ATXN1: variants seen among roughly 807,000 people sequenced by gnomAD.
ATXN1 encodes the protein ataxin 1, also known as ataxin-1.
In ATXN1, 8 loss-of-function variants were observed where a neutral mutation model predicts 56.4. That is an observed-to-expected ratio of 0.14 (90% CI 0.08 to 0.26). The LOEUF (loss-of-function observed/expected upper bound fraction) is 0.26. ATXN1 is among the 10% of genes least tolerant of loss of function. The probability of loss-of-function intolerance (pLI) is 1.00; values close to 1 mark genes in which losing one functional copy is unlikely to be tolerated. For missense variants in ATXN1, 987 were observed against 1,106.5 expected, an observed-to-expected ratio of 0.89 and a Z score of 1.53; for synonymous variants, 514 against 494.6, an observed-to-expected ratio of 1.04 and a Z score of -0.52.
intron 6 of ATXN1, among the ~76,000 whole-genome samples, chr6:16,406,890 C>T (rs550190025): frequency 1.1e-4 from 16 of 152,308 alleles, no homozygotes; most frequent in Admixed American, 5.9e-4. Flanking sequence ...GTAGGGTGGA[C>T]GCGTCAGGTT....
intron 2 of ATXN1, among the ~76,000 whole-genome samples, chr6:16,659,247 G>T (rs1308333833): frequency 6.6e-6 from 1 of 152,154 alleles, no homozygotes; most frequent in South Asian, 2.1e-4. Context: ...CAGAAAATGG[G>T]GTTGTAAGGA....
Position 16,406,169 on chromosome 6 carries a change from C to T in ATXN1, c.-160-77699G>A, listed in dbSNP as rs374310691. Among the ~76,000 whole-genome samples, 4 of 152,224 alleles carry T rather than the reference C, an allele frequency of 2.6e-5. No individual in the cohort carries two copies. In the South Asian group the frequency reaches 6.2e-4, roughly 24 times the overall value. ...CTCTCTTTTTTCTCCCTATGACTTT[C>T]CTTCATTAAGTTAAAATGAGAGACT... On this transcript the variant is annotated intron_variant, in intron 6 of 7. Coordinates refer to ENST00000436367, the MANE Select transcript of ATXN1 (RefSeq NM_001128164.2).
intron 2 of ATXN1, among the ~76,000 whole-genome samples, chr6:16,708,459 T>C (rs545311572): frequency 1.3e-5 from 2 of 152,302 alleles, no homozygotes; most frequent in South Asian, 4.1e-4. Flanking sequence ...TACAAAATAC[T>C]GAGTTAAGTG....
At chr6:16,342,514 C>A (rs1388636151) in intron 6 of ATXN1, among the ~76,000 whole-genome samples, 1 of 152,140 alleles carries the variant, frequency 6.6e-6, no homozygotes, top group Non-Finnish European at 1.5e-5. Flanking sequence ...AGCAATTCCA[C>A]GTCTGGATAT....
chr6:16,705,362 G>GT (rs1759384651), intron 2 of ATXN1, among the ~76,000 whole-genome samples: 1 of 152,182 alleles, frequency 6.6e-6, no homozygotes, highest in Non-Finnish European at 1.5e-5. Flanking sequence ...ATAAAATCAA[G>GT]TAACGTAAAC....
chr6:16,436,343 A>C (rs1442048098), intron 6 of ATXN1, among the ~76,000 whole-genome samples: 2 of 152,222 alleles, frequency 1.3e-5, no homozygotes, highest in East Asian at 3.8e-4. Flanking sequence ...ACTGTACTAG[A>C]TGCTGACAAA....
At chr6:16,618,119 T>C (rs1308914502) in intron 3 of ATXN1, among the ~76,000 whole-genome samples, 5 of 151,552 alleles carry the variant, frequency 3.3e-5, no homozygotes, top group African/African-American at 7.3e-5. Context: ...TACAGGGACA[T>C]GGATGAAGCT....
chr6:16,750,904 T>A (rs962299225), intron 2 of ATXN1, among the ~76,000 whole-genome samples: 1 of 152,050 alleles, frequency 6.6e-6, no homozygotes, highest in Non-Finnish European at 1.5e-5. Context: ...ACCGTTAAAA[T>A]GAGTATCATC....
At chr6:16,331,654 G>A (rs1414151102) in intron 6 of ATXN1, among the ~76,000 whole-genome samples, 4 of 152,220 alleles carry the variant, frequency 2.6e-5, no homozygotes, top group Admixed American at 6.5e-5. Flanking sequence ...TTAGCCCAAG[G>A]CAGCACTAGG....
chr6:16,612,114 C>T (rs1763119696), intron 3 of ATXN1, among the ~76,000 whole-genome samples: 2 of 152,076 alleles, frequency 1.3e-5, no homozygotes, highest in African/African-American at 4.8e-5. Flanking sequence ...CTGCCTCAGC[C>T]TCCCAAAGTG....
At chr6:16,428,611 A>C (rs1178792347) in intron 6 of ATXN1, among the ~76,000 whole-genome samples, 1 of 152,126 alleles carries the variant, frequency 6.6e-6, no homozygotes, top group African/African-American at 2.4e-5. Context: ...TATTAAGCCA[A>C]GTTTGCAAAT....
Position 16,424,226 on chromosome 6 carries a change from C to T in ATXN1, c.-161+61746G>A, listed in dbSNP as rs187043806. Among the ~76,000 whole-genome samples, 230 of 152,260 alleles carry T rather than the reference C, an allele frequency of 1.5e-3. 2 individuals carry two copies. Among genetic ancestry groups the T allele is most frequent in the African/African-American group, 5.4e-3 (225 of 41,546 alleles). On this transcript the variant is annotated intron_variant, in intron 6 of 7. Coordinates refer to ENST00000436367, the MANE Select transcript of ATXN1 (RefSeq NM_001128164.2). ...CATGGTTGCTACAACATCATTGCTC[C>T]TACAGGCAGAATCAAGAGCTACGGG...
At chr6:16,451,834 TCAAAG>T (rs1214418449) in intron 6 of ATXN1, among the ~76,000 whole-genome samples, 1 of 152,108 alleles carries the variant, frequency 6.6e-6, no homozygotes, top group Non-Finnish European at 1.5e-5. Context: ...TCCCCCATTC[TCAAAG>T]CAAACAGAAA....
At chr6:16,510,522 G>T (rs1370284806) in intron 5 of ATXN1, among the ~76,000 whole-genome samples, 1 of 152,142 alleles carries the variant, frequency 6.6e-6, no homozygotes, top group African/African-American at 2.4e-5. Context: ...AATCACTTGA[G>T]TCCAGGAGTT....
At chr6:16,512,911 CCTT>C (rs1361166694) in intron 5 of ATXN1, among the ~76,000 whole-genome samples, 2 of 152,210 alleles carry the variant, frequency 1.3e-5, no homozygotes, top group African/African-American at 4.8e-5. Context: ...GATCATGTGT[CCTT>C]CTTGCACTCA....
chr6:16,586,874 C>A (rs1461145953), intron 3 of ATXN1, among the ~76,000 whole-genome samples: 1 of 152,052 alleles, frequency 6.6e-6, no homozygotes, highest in Non-Finnish European at 1.5e-5. Context: ...CAAAAATTAG[C>A]CACGCATGGT....
intron 4 of ATXN1, among the ~76,000 whole-genome samples, chr6:16,540,851 C>T (rs753371914): frequency 3.9e-5 from 6 of 152,066 alleles, no homozygotes; most frequent in Admixed American, 1.3e-4. Flanking sequence ...TGTTCAATAC[C>T]GTGTTCATAG....
intron 2 of ATXN1, chr6:16,737,553 G>T (rs1760178483): frequency 1.3e-5 from 2 of 152,186 alleles, no homozygotes; most frequent in African/African-American, 2.4e-5. Flanking sequence ...TAATAGTGTT[G>T]TAAGGCCTAA....
chr6:16,416,706 T>C (rs1364650501), intron 6 of ATXN1, among the ~76,000 whole-genome samples: 1 of 152,246 alleles, frequency 6.6e-6, no homozygotes, highest in Admixed American at 6.5e-5. Context: ...ATCCAATACC[T>C]CTGACCCCTC....
Sources: gnomAD v4.1 joint callset for allele counts (sites outside exome capture counted in the v4.1 genomes callset) on GRCh38, gnomAD v4.1.1 for gene constraint, MANE v1.5 for transcripts, NCBI Gene and HGNC (gene_info 2026-07-23, HGNC 2026-07-21) for gene names.